MTUS2: variants seen among roughly 807,000 people sequenced by gnomAD.
MTUS2 encodes microtubule-associated tumor suppressor candidate 2.
In MTUS2, 40 loss-of-function variants were observed where a neutral mutation model predicts 114.1. The observed-to-expected ratio is 0.35, with a 90% CI of 0.27 to 0.46. The LOEUF (loss-of-function observed/expected upper bound fraction) is 0.46. MTUS2 is among the 20% of genes least tolerant of loss of function. MTUS2 has a pLI of 1.00. For synonymous variants in MTUS2, 688 were observed against 672.0 expected, an observed-to-expected ratio of 1.02 and a Z score of -0.37; for missense variants, 1,679 against 1,705.4, an observed-to-expected ratio of 0.98 and a Z score of 0.27.
chr13:29,136,083 C>T (rs1478782347), intron 5 of MTUS2, among the ~76,000 whole-genome samples: 1 of 152,120 alleles, frequency 6.6e-6, no homozygotes, highest in African/African-American at 2.4e-5. Flanking sequence ...TTATAATTGC[C>T]CATGTTACTA....
At chr13:28,890,333 C>A (rs9551557) in intron 2 of MTUS2, among the ~76,000 whole-genome samples, 11,241 of 152,218 alleles carry the variant, frequency 0.074, 548 homozygotes, top group South Asian at 0.14. Context: ...TTTGGCTTAG[C>A]CTCATCTGAA....
chr13:29,096,796 C>T (rs141045670), intron 4 of MTUS2, among the ~76,000 whole-genome samples: 24 of 152,200 alleles, frequency 1.6e-4, no homozygotes, highest in South Asian at 6.2e-4. Flanking sequence ...GGTTTATAAG[C>T]GAGGTGCGAG....
At chr13:28,837,873 G>A (rs762258282) in intron 1 of MTUS2, among the ~76,000 whole-genome samples, 13 of 152,074 alleles carry the variant, frequency 8.5e-5, no homozygotes, top group African/African-American at 2.4e-4. Context: ...GGGGAAAGTC[G>A]CTATTGGAAC....
At chr13:29,110,270 A>G (rs1340777957) in intron 5 of MTUS2, among the ~76,000 whole-genome samples, 1 of 152,228 alleles carries the variant, frequency 6.6e-6, no homozygotes, top group Non-Finnish European at 1.5e-5. Flanking sequence ...CCTTTTCAAT[A>G]TCTGTTGGAA....
intron 4 of MTUS2, among the ~76,000 whole-genome samples, chr13:29,060,957 C>T (rs932988618): frequency 2.6e-4 from 40 of 151,976 alleles, no homozygotes; most frequent in African/African-American, 8.2e-4. Context: ...CCCGCCACCA[C>T]GCCTGGCTAA....
chr13:29,349,594 T>C (rs1434452472), intron 7 of MTUS2, among the ~76,000 whole-genome samples: 1 of 152,170 alleles, frequency 6.6e-6, no homozygotes, highest in Non-Finnish European at 1.5e-5. Context: ...TGAATTCTTT[T>C]GGTTTTTGTT....
intron 5 of MTUS2, among the ~76,000 whole-genome samples, chr13:29,216,168 G>A (rs753517081): frequency 2.6e-5 from 4 of 152,184 alleles, no homozygotes; most frequent in African/African-American, 7.2e-5. Flanking sequence ...TGGCAGCTTC[G>A]TTTACACTGT....
At chr13:28,951,849 T>G (rs1190412986) in intron 2 of MTUS2, among the ~76,000 whole-genome samples, 1 of 152,066 alleles carries the variant, frequency 6.6e-6, no homozygotes, top group Non-Finnish European at 1.5e-5. Context: ...AGCACGATGA[T>G]TAGGAAACCA....
chr13:29,045,345 G>A (rs1887565527), intron 4 of MTUS2, among the ~76,000 whole-genome samples: 2 of 152,110 alleles, frequency 1.3e-5, no homozygotes, highest in Admixed American at 1.3e-4. Context: ...GCCTTACATG[G>A]GGGAGAGATA....
intron 5 of MTUS2, among the ~76,000 whole-genome samples, chr13:29,168,404 T>C (rs1160640437): frequency 2.6e-5 from 4 of 152,208 alleles, no homozygotes; most frequent in African/African-American, 9.6e-5. Flanking sequence ...CAAAAATCTT[T>C]GGATTTTACA....
Position 29,025,661 on chromosome 13 carries a change from A to G in MTUS2, c.963A>G (p.Glu321=). 1.2e-6 allele frequency: 2 copies of G among 1,614,028 alleles called. No homozygotes were observed. The highest frequency in any genetic ancestry group is 2.2e-5 in the South Asian group (2 of 91,080). ...AATATGTTCCTCCCAGGAGAGTTGA[A>G]CAGGAGGGAAAGGCAGCCCAGGAAG... The part of the protein sequence containing the change: ...DLKYVPPRRV[E]QEGKAAQEGY... The change falls in exon 3 of 16, where the codon GAA becomes GAG. Residue 321 remains glutamate, a synonymous_variant. Transcript: ENST00000612955.
chr13:29,198,098 T>C (rs1364174117), intron 5 of MTUS2, among the ~76,000 whole-genome samples: 2 of 152,250 alleles, frequency 1.3e-5, no homozygotes, highest in Admixed American at 6.5e-5. Context: ...CAATTTTGGC[T>C]TTTGTTGCCA....
chr13:28,899,402 C>T (rs897080809), intron 2 of MTUS2, among the ~76,000 whole-genome samples: 15 of 152,112 alleles, frequency 9.9e-5, no homozygotes, highest in Admixed American at 5.2e-4. Flanking sequence ...TGTAAGAAAT[C>T]GAGCTGTTTC....
intron 6 of MTUS2, among the ~76,000 whole-genome samples, chr13:29,311,901 C>T (rs570516716): frequency 6.6e-6 from 1 of 152,242 alleles, no homozygotes; most frequent in African/African-American, 2.4e-5. Context: ...GAATATTTGC[C>T]TTGGTCTAGT....
rs34590167 is a variant in MTUS2 at position 28,991,367 on chromosome 13, A to AT, written c.-242-33071dup. ...TATGAAACTCAGGTTTGTCTCTTCA[A>AT]TTTTTTTTTTTTTTTTTTTGAGACG... is the stretch of plus-strand genomic sequence containing the variant. On this transcript the variant is annotated intron_variant, in intron 2 of 15. Coordinates refer to ENST00000612955, the MANE Select transcript of MTUS2 (RefSeq NM_001033602.4). Among the ~76,000 whole-genome samples the AT allele has an allele frequency of 8.1e-3, 1,021 of 125,462 alleles. 4 individuals are homozygous for AT. Among genetic ancestry groups the AT allele is most frequent in the African/African-American group, 0.014 (463 of 33,592 alleles). The allele number at this position is 125,462 out of a possible 152,430, so 82.3% of individuals were successfully genotyped here. A position where few individuals can be genotyped will look rare whatever the true frequency, so the allele number is the denominator to read the frequency against.
intron 5 of MTUS2, among the ~76,000 whole-genome samples, chr13:29,172,240 T>G (rs1276787150): frequency 2.0e-5 from 3 of 152,238 alleles, no homozygotes; most frequent in African/African-American, 7.2e-5. Flanking sequence ...TCCCATCATT[T>G]TTAAAGCATG....
chr13:29,237,192 A>C (rs1896566812), intron 5 of MTUS2, among the ~76,000 whole-genome samples: 1 of 152,278 alleles, frequency 6.6e-6, no homozygotes, highest in East Asian at 1.9e-4. Context: ...AACATTTTAG[A>C]ATCTTTTGAC....
At chr13:29,055,399 G>T (rs535483438) in intron 4 of MTUS2, among the ~76,000 whole-genome samples, 1 of 152,034 alleles carries the variant, frequency 6.6e-6, no homozygotes, top group South Asian at 2.1e-4. Context: ...TTAGGTTTAG[G>T]GGTACATGAG....
chr13:29,393,227 G>C (rs1873646393), intron 8 of MTUS2, among the ~76,000 whole-genome samples: 1 of 152,192 alleles, frequency 6.6e-6, no homozygotes, highest in African/African-American at 2.4e-5. Flanking sequence ...GGGTTCGCCA[G>C]AACACTGCTG....
Sources: allele counts gnomAD v4.1 joint callset (sites outside exome capture counted in the v4.1 genomes callset), GRCh38; gene constraint gnomAD v4.1.1; transcripts MANE v1.5; gene names NCBI Gene and HGNC (gene_info 2026-07-23, HGNC 2026-07-21).